The following GALNT17 variants were observed in gnomAD, a reference collection of about 807,000 sequenced individuals.
The protein encoded by GALNT17 is UDP-GalNAc:polypeptide N-acetylgalactosaminyltransferase-like 3.
A neutral mutation model predicts 63.7 loss-of-function variants in GALNT17; 29 were observed. That is an observed-to-expected ratio of 0.46 (90% CI 0.34 to 0.62). GALNT17 has a LOEUF of 0.62. GALNT17 is among the 20% of genes least tolerant of loss of function. The probability of loss-of-function intolerance (pLI) is 0.01; values close to 1 mark genes in which losing one functional copy is unlikely to be tolerated. For synonymous variants in GALNT17, 305 were observed against 318.3 expected, an observed-to-expected ratio of 0.96 and a Z score of 0.45; for missense variants, 603 against 799.6, an observed-to-expected ratio of 0.75 and a Z score of 2.97.
rs117738973 is a variant in GALNT17, at chr7:71,504,795, A to G, written c.963-66490A>G. On this transcript the variant is annotated intron_variant, in intron 5 of 10. Transcript: ENST00000333538. ...AGGGCAGTGTCAGAAAATACCCTGAATTCTGCCCTCTCTCTGTGGCCCGTC... is the reference window on the plus strand; with the variant it reads ...AGGGCAGTGTCAGAAAATACCCTGAGTTCTGCCCTCTCTCTGTGGCCCGTC... Among the ~76,000 whole-genome samples, 204 of 152,194 alleles carry G rather than the reference A, an allele frequency of 1.3e-3. 1 individual carries two copies. The highest frequency in any genetic ancestry group is 0.01 in the Middle Eastern group (3 of 294).
intron 1 of GALNT17, among the ~76,000 whole-genome samples, chr7:71,262,081 G>T (rs1263115019): frequency 6.6e-6 from 1 of 152,024 alleles, no homozygotes; most frequent in East Asian, 1.9e-4. Context: ...AGGATGAATT[G>T]CCCTGTTGGT....
intron 9 of GALNT17, among the ~76,000 whole-genome samples, chr7:71,706,701 C>G (rs1466144572): frequency 3.3e-5 from 5 of 152,204 alleles, no homozygotes; most frequent in Non-Finnish European, 7.3e-5. Flanking sequence ...CCACATCTCT[C>G]TCAAGGGCAC....
At chr7:71,278,480 A>G (rs1282898928) in intron 1 of GALNT17, among the ~76,000 whole-genome samples, 1 of 152,220 alleles carries the variant, frequency 6.6e-6, no homozygotes, top group Non-Finnish European at 1.5e-5. Flanking sequence ...TTGTAGCTGC[A>G]TTACTCCAAT....
chr7:71,337,915 G>A (rs888946854), intron 2 of GALNT17, among the ~76,000 whole-genome samples: 2 of 151,880 alleles, frequency 1.3e-5, no homozygotes, highest in African/African-American at 2.4e-5. Flanking sequence ...AAAACTTGGG[G>A]CTGAGTATGG....
At chr7:71,631,438 T>C (rs984698458) in intron 6 of GALNT17, among the ~76,000 whole-genome samples, 1 of 152,004 alleles carries the variant, frequency 6.6e-6, no homozygotes, top group Non-Finnish European at 1.5e-5. Context: ...TATCATCCCT[T>C]ATTGGCCTCC....
chr7:71,445,179 CT>C (rs748963165), intron 5 of GALNT17, among the ~76,000 whole-genome samples: 2,284 of 130,378 alleles, frequency 0.018, 33 homozygotes, highest in African/African-American at 0.047. Context: ...TTCTTTCTTT[CT>C]TTTTTTTTTT....
At chr7:71,598,006 G>T (rs544674261) in intron 6 of GALNT17, among the ~76,000 whole-genome samples, 4 of 151,498 alleles carry the variant, frequency 2.6e-5, no homozygotes, top group African/African-American at 4.9e-5. Flanking sequence ...GTGCAGTGGC[G>T]CAGTCTCGGC....
intron 5 of GALNT17, among the ~76,000 whole-genome samples, chr7:71,554,630 C>T (rs1789132871): frequency 6.6e-6 from 1 of 152,196 alleles, no homozygotes; most frequent in Admixed American, 6.5e-5. Context: ...TCCTGCCCCA[C>T]TGCCCATAGC....
rs10539122 is a variant in GALNT17 at position 71,564,278 on chromosome 7, C to CTTTTTTTTT, written c.963-6991_963-6983dup. Among the ~76,000 whole-genome samples, 62 of 98,010 alleles carry CTTTTTTTTT rather than the reference C, an allele frequency of 6.3e-4. 1 individual carries two copies. Among genetic ancestry groups the CTTTTTTTTT allele is most frequent in the Middle Eastern group, 8.2e-3 (1 of 122 alleles). 64.3% of individuals were successfully genotyped at this position (98,010 alleles called of 152,430 possible). ...TCTTTCTTTTTTTTTCTTTTCTTTT[C>CTTTTTTTTT]TTTTTTTTTTTTTTTTTTTTTTTTG... On this transcript the variant is annotated intron_variant, in intron 5 of 10. Transcript: ENST00000333538.
chr7:71,601,223 T>C (rs1014759089), intron 6 of GALNT17, among the ~76,000 whole-genome samples: 10 of 152,114 alleles, frequency 6.6e-5, no homozygotes, highest in Admixed American at 1.3e-4. Context: ...TTTGCAATTA[T>C]AAATTGTGCT....
Position 71,132,645 on chromosome 7 carries a change from C to T in GALNT17, c.-158C>T. The T allele has an allele frequency of 1.6e-6, 1 of 614,094 alleles. No homozygotes were observed. 38.0% of individuals were successfully genotyped at this position (614,094 alleles called of 1,614,324 possible). A position where few individuals can be genotyped will look rare whatever the true frequency, so the allele number is the denominator to read the frequency against. ...CCCACCACCAATCCGACCTCCCAGC[C>T]GTCTCCGCCGCCCGAGCATCCTTGA... On this transcript the variant is annotated 5_prime_UTR_variant, in exon 1 of 11. Transcript: ENST00000333538.
At chr7:71,137,626 G>A (rs1787811249) in intron 1 of GALNT17, among the ~76,000 whole-genome samples, 1 of 152,150 alleles carries the variant, frequency 6.6e-6, no homozygotes, top group Non-Finnish European at 1.5e-5. Context: ...GGAGAGGGGT[G>A]GGGGCTGGGA....
Position 71,585,884 on chromosome 7 carries a change from C to T in GALNT17, c.1080+14482C>T, listed in dbSNP as rs1789709249. 2.0e-5 allele frequency among the ~76,000 whole-genome samples: 3 copies of T among 150,210 alleles called. No individual in the cohort carries two copies. In the Admixed American group the frequency reaches 2.0e-4, roughly 10 times the overall value. On this transcript the variant is annotated intron_variant, in intron 6 of 10. Coordinates refer to ENST00000333538, the MANE Select transcript of GALNT17 (RefSeq NM_022479.3). Reference sequence around the variant, plus strand: ...GTTCTTTCCTCCTCCCCACCCCACACTTCCCGCCCCAGCAAGCATTTCCTG... The same window carrying T: ...GTTCTTTCCTCCTCCCCACCCCACATTTCCCGCCCCAGCAAGCATTTCCTG...
intron 5 of GALNT17, among the ~76,000 whole-genome samples, chr7:71,547,945 G>T (rs1789013466): frequency 6.6e-6 from 1 of 152,052 alleles, no homozygotes; most frequent in African/African-American, 2.4e-5. Flanking sequence ...GTTCATAGAG[G>T]AGTTGGGTGC....
chr7:71,345,191 T>C (rs1341452279), intron 2 of GALNT17, among the ~76,000 whole-genome samples: 2 of 150,982 alleles, frequency 1.3e-5, no homozygotes, highest in African/African-American at 4.9e-5. Context: ...CCATTCTATA[T>C]CACACTGTGG....
chr7:71,274,366 C>T (rs1056141501), intron 1 of GALNT17, among the ~76,000 whole-genome samples: 1 of 152,094 alleles, frequency 6.6e-6, no homozygotes, highest in African/African-American at 2.4e-5. Flanking sequence ...GCAGCCTTGA[C>T]CTCCTTGTGC....
intron 6 of GALNT17, among the ~76,000 whole-genome samples, chr7:71,651,553 C>T (rs180739003): frequency 1.2e-4 from 19 of 152,278 alleles, no homozygotes; most frequent in Middle Eastern, 3.4e-3. Context: ...CCACCTGCCT[C>T]GGCCTCCCGA....
intron 8 of GALNT17, among the ~76,000 whole-genome samples, chr7:71,675,713 G>A (rs549760549): frequency 6.6e-4 from 100 of 152,114 alleles, no homozygotes; most frequent in African/African-American, 2.3e-3. Context: ...CCAGCCAGGC[G>A]CAGTGGTTCA....
At chr7:71,665,377 CT>C (rs768355276) in intron 6 of GALNT17, 33 bp from the exon 7 acceptor site, 1 of 1,573,482 alleles carries the variant, frequency 6.4e-7, no homozygotes, top group South Asian at 1.2e-5. Flanking sequence ...CTGGGAATTT[CT>C]TTTTCAGGCT....
Sources: allele counts gnomAD v4.1 joint callset (sites outside exome capture counted in the v4.1 genomes callset), GRCh38; gene constraint gnomAD v4.1.1; transcripts MANE v1.5; gene names NCBI Gene and HGNC (gene_info 2026-07-23, HGNC 2026-07-21).